The following SNRPC variants were observed in gnomAD, a reference collection of about 807,000 sequenced individuals.
The protein encoded by SNRPC is small nuclear ribonucleoprotein polypeptide C, also known as U1 small nuclear ribonucleoprotein C.
In SNRPC, 5 loss-of-function variants were observed where a neutral mutation model predicts 20.0. The observed-to-expected ratio is 0.25, with a 90% CI of 0.13 to 0.53. SNRPC has a LOEUF of 0.53. SNRPC is among the 20% of genes least tolerant of loss of function. The probability of loss-of-function intolerance (pLI) is 0.96; values close to 1 mark genes in which losing one functional copy is unlikely to be tolerated. For synonymous variants in SNRPC, 61 were observed against 58.7 expected (o/e 1.04, Z -0.18); for missense variants, 112 against 224.1 (o/e 0.50, Z 3.19).
In SNRPC at chr6:34,762,636, A is replaced by G. The variant is rs759111786; in HGVS notation, c.93A>G (p.Lys31=). ...CACACTGCAGTGGAAGGAAACACAA[A>G]GAGAATGTGAAAGACTATTATCAGA... is the stretch of plus-strand genomic sequence containing the variant. ...RKTHCSGRKH[K]ENVKDYYQKW... The change falls in exon 3 of 6, where the codon AAA becomes AAG. Residue 31 remains lysine (K), a synonymous_variant. Transcript: ENST00000244520. 6.2e-7 allele frequency: 1 copy of G among 1,606,010 alleles called. No individual in the cohort carries two copies. The highest frequency in any genetic ancestry group is 2.2e-5 in the East Asian group (1 of 44,832).
chr6:34,766,388 G>A lies in SNRPC; in HGVS notation c.161-1520G>A, dbSNP rs1022117885. On this transcript the variant is annotated intron_variant, in intron 3 of 5. Transcript: ENST00000244520. ...GCTAATCTTTATTTTTTGTAGAGACGGGATCTCACTATGTTGCCCAAGCTA... is the reference window on the plus strand; with the variant it reads ...GCTAATCTTTATTTTTTGTAGAGACAGGATCTCACTATGTTGCCCAAGCTA... Among the ~76,000 whole-genome samples, 5 of 151,600 alleles carry A rather than the reference G, an allele frequency of 3.3e-5. No homozygotes were observed. In the East Asian group the frequency reaches 7.7e-4, roughly 23 times the overall value.
At chr6:34,758,054 C>A in intron 2 of SNRPC, 100 bp downstream of exon 2, 1 of 1,303,916 alleles carries the variant, frequency 7.7e-7, no homozygotes, top group Non-Finnish European at 1.1e-6. Context: ...TTCCCACCTG[C>A]TGAGGTTTAA....
At chr6:34,762,771 T>G in intron 3 of SNRPC, 68 bp downstream of exon 3, 1 of 811,770 alleles carries the variant, frequency 1.2e-6, no homozygotes, top group South Asian at 1.5e-5. Context: ...GTCTCTGGTG[T>G]TTTTCACAGA....
chr6:34,772,649 A>T (rs1227183761), intron 5 of SNRPC, among the ~76,000 whole-genome samples: 1 of 152,230 alleles, frequency 6.6e-6, no homozygotes. Flanking sequence ...TAAAAAGAAT[A>T]TAGATAACGT....
At chr6:34,758,398 C>T (rs551727519) in intron 2 of SNRPC, among the ~76,000 whole-genome samples, 1 of 152,282 alleles carries the variant, frequency 6.6e-6, no homozygotes, top group South Asian at 2.1e-4. Flanking sequence ...TCACTGCAAC[C>T]TGCTCCTCCC....
chr6:34,770,914 A>G (rs1764681581), intron 5 of SNRPC, among the ~76,000 whole-genome samples: 1 of 152,242 alleles, frequency 6.6e-6, no homozygotes, highest in African/African-American at 2.4e-5. Context: ...TCAGCCTGGT[A>G]GTTGTTTTTT....
chr6:34,761,649 T>C lies in SNRPC; in HGVS notation c.52-946T>C, dbSNP rs542024417. On this transcript the variant is annotated intron_variant, in intron 2 of 5. Coordinates refer to ENST00000244520, the MANE Select transcript of SNRPC (RefSeq NM_003093.3). ...CATTCTCCTGCCTCAGCTTCCTGAG[T>C]AGCTAGGACTACAGGTGCCCGCCAC... Among the ~76,000 whole-genome samples, 16 of 150,616 alleles carry C rather than the reference T, an allele frequency of 1.1e-4. No individual in the cohort carries two copies. The East Asian group carries it at 3.1e-3, about 29-fold the overall frequency.
At chr6:34,761,537 T>G (rs557127482) in intron 2 of SNRPC, among the ~76,000 whole-genome samples, 6 of 115,212 alleles carry the variant, frequency 5.2e-5, no homozygotes, top group African/African-American at 2.4e-4. Flanking sequence ...TTTTTTTTTT[T>G]TGTGACGGAG....
chr6:34,760,716 T>C (rs1359012015), intron 2 of SNRPC, among the ~76,000 whole-genome samples: 3 of 152,102 alleles, frequency 2.0e-5, no homozygotes, highest in Non-Finnish European at 2.9e-5. Context: ...AAAATGTCTA[T>C]GGTGATTGAT....
chr6:34,763,826 C>T (rs1371634530), intron 3 of SNRPC, among the ~76,000 whole-genome samples: 1 of 151,016 alleles, frequency 6.6e-6, no homozygotes, highest in East Asian at 2.0e-4. Flanking sequence ...AAGCGATTCT[C>T]CTGCCTCAGC....
chr6:34,767,842 T>C, intron 3 of SNRPC, 66 bp from the exon 4 acceptor site: 1 of 1,483,480 alleles, frequency 6.7e-7, no homozygotes, highest in Non-Finnish European at 9.0e-7. Context: ...AAAGTGGTTA[T>C]TTTAGTTACT....
At chr6:34,762,129 C>T (rs35278202) in intron 2 of SNRPC, among the ~76,000 whole-genome samples, 3,314 of 152,072 alleles carry the variant, frequency 0.022, 55 homozygotes, top group African/African-American at 0.041. Context: ...CATTGTGAGA[C>T]GTCATCTCTA....
At chr6:34,769,546 A>G (rs1351575142) in intron 4 of SNRPC, among the ~76,000 whole-genome samples, 1 of 152,136 alleles carries the variant, frequency 6.6e-6, no homozygotes, top group African/African-American at 2.4e-5. Flanking sequence ...TGTAAATGAT[A>G]CTGTCAGAAA....
At chr6:34,769,199 C>T (rs1764654597) in intron 4 of SNRPC, among the ~76,000 whole-genome samples, 1 of 151,496 alleles carries the variant, frequency 6.6e-6, no homozygotes, top group Non-Finnish European at 1.5e-5. Flanking sequence ...TATGAATTTA[C>T]CATAATTTAC....
At chr6:34,762,412 G>A (rs1162538171) in intron 2 of SNRPC, among the ~76,000 whole-genome samples, 183 bp from the exon 3 acceptor site, 1 of 152,060 alleles carries the variant, frequency 6.6e-6, no homozygotes, top group Non-Finnish European at 1.5e-5. Context: ...CTGACCTCTG[G>A]TCTAGATAAT....
intron 4 of SNRPC, among the ~76,000 whole-genome samples, chr6:34,769,560 C>T (rs891015009): frequency 9.2e-5 from 14 of 152,214 alleles, no homozygotes; most frequent in African/African-American, 3.1e-4. Context: ...TCAGAAATAT[C>T]CCTGCATATA....
intron 3 of SNRPC, 138 bp from the exon 4 acceptor site, chr6:34,767,770 T>G: frequency 1.2e-6 from 1 of 812,814 alleles, no homozygotes; most frequent in Non-Finnish European, 1.8e-6. Context: ...AGAACCATGA[T>G]GTAATAATTT....
At chr6:34,770,938 G>A (rs774287842) in intron 5 of SNRPC, among the ~76,000 whole-genome samples, 7 of 152,124 alleles carry the variant, frequency 4.6e-5, no homozygotes, top group Non-Finnish European at 1.0e-4. Context: ...TTAGGGAGGC[G>A]TAAAAAACTT....
At chr6:34,769,318 C>T (rs1764657297) in intron 4 of SNRPC, among the ~76,000 whole-genome samples, 1 of 150,964 alleles carries the variant, frequency 6.6e-6, no homozygotes, top group South Asian at 2.1e-4. Flanking sequence ...CAACCTCCGC[C>T]TCCTGGGTTC....
Sources: allele counts gnomAD v4.1 joint callset (sites outside exome capture counted in the v4.1 genomes callset), GRCh38; gene constraint gnomAD v4.1.1; transcripts MANE v1.5; gene names NCBI Gene and HGNC (gene_info 2026-07-23, HGNC 2026-07-21).